Variants in AFF2 observed in about 807,000 individuals in gnomAD.
AFF2 encodes ALF transcription elongation factor 2.
A neutral mutation model predicts 76.9 loss-of-function variants in AFF2; 14 were observed. The observed-to-expected ratio is 0.18, with a 90% CI of 0.12 to 0.28. The LOEUF is 0.28. AFF2 is among the 10% of genes least tolerant of loss of function. The probability of loss-of-function intolerance (pLI) is 1.00; values close to 1 mark genes in which losing one functional copy is unlikely to be tolerated. For synonymous variants in AFF2, 398 were observed against 366.7 expected (o/e 1.09, Z -0.98); for missense variants, 868 against 1,001.1 (o/e 0.87, Z 1.79).
At chrX:148,786,189 C>T (rs1018301179) in intron 3 of AFF2, among the ~76,000 whole-genome samples, 2 of 111,354 alleles carry the variant, frequency 1.8e-5, no homozygotes, top group Non-Finnish European at 3.8e-5. Context: ...GAAAATTAAC[C>T]CTGCACTGCT....
intron 2 of AFF2, among the ~76,000 whole-genome samples, chrX:148,661,075 G>A (rs1253324888): frequency 8.9e-6 from 1 of 112,485 alleles, no homozygotes; most frequent in African/African-American, 3.2e-5. Context: ...AAATGAGTTG[G>A]TTGCCTCTCT....
At chrX:148,614,454 A>G (rs2053763897) in intron 1 of AFF2, among the ~76,000 whole-genome samples, 1 of 111,432 alleles carries the variant, frequency 9.0e-6, no homozygotes, top group Non-Finnish European at 1.9e-5. Context: ...CAAGGTGAAC[A>G]TAGATGAGAT....
chrX:148,965,484 G>A lies in AFF2; in HGVS notation c.2914-1306G>A, dbSNP rs16994879. Among the ~76,000 whole-genome samples, 994 of 111,836 alleles carry A rather than the reference G, an allele frequency of 8.9e-3. 12 individuals are homozygous for A. The highest frequency in any genetic ancestry group is 0.03 in the African/African-American group (922 of 30,742). ...AAGGTGGGGAGTCTCTACCTTGCCA[G>A]TTTCAGTGCCACTAGCCCAGATACT... On this transcript the variant is annotated intron_variant, in intron 13 of 20. Transcript: ENST00000370460.
chrX:148,967,797 A>C, intron 15 of AFF2, 105 bp downstream of exon 15: 4 of 662,941 alleles, frequency 6.0e-6, no homozygotes, highest in Non-Finnish European at 2.3e-6. Context: ...CACAGCCCAC[A>C]CCTGCCTGTC....
chrX:148,932,511 AG>A lies in AFF2; in HGVS notation c.1398-21068del, dbSNP rs782648508. ...AACTTACTTAAGCTACCTGAGCCTC[AG>A]TGTCTGGGAACCAGCTACACATTAA... On this transcript the variant is annotated intron_variant, in intron 9 of 20. Transcript: ENST00000370460. 8.0e-5 allele frequency among the ~76,000 whole-genome samples: 9 copies of A among 112,017 alleles called. No homozygotes were observed. In the East Asian group the frequency reaches 2.5e-3, roughly 31 times the overall value.
At chrX:148,724,446 CAA>C (rs1376147123) in intron 3 of AFF2, among the ~76,000 whole-genome samples, 4 of 111,579 alleles carry the variant, frequency 3.6e-5, no homozygotes, top group Non-Finnish European at 7.5e-5. Context: ...ATAAGAGTAA[CAA>C]TATAAAAAAT....
intron 3 of AFF2, among the ~76,000 whole-genome samples, chrX:148,801,043 G>C (rs907778842): frequency 9.0e-6 from 1 of 111,560 alleles, no homozygotes; most frequent in Non-Finnish European, 1.9e-5. Context: ...GCTTAAATTT[G>C]GCCCTGGGCT....
chrX:148,921,291 C>T (rs1557283175), intron 9 of AFF2, among the ~76,000 whole-genome samples: 3 of 112,162 alleles, frequency 2.7e-5, no homozygotes, highest in African/African-American at 9.7e-5. Context: ...ATACAGTTCA[C>T]TGATTTATAC....
chrX:148,681,451 C>G (rs1250392554), intron 3 of AFF2, among the ~76,000 whole-genome samples: 1 of 110,075 alleles, frequency 9.1e-6, no homozygotes, highest in African/African-American at 3.3e-5. Flanking sequence ...TGAGAAATAT[C>G]CCACACTGGA....
chrX:148,879,295 G>C (rs1476556797), intron 7 of AFF2, among the ~76,000 whole-genome samples: 1 of 111,388 alleles, frequency 9.0e-6, no homozygotes, highest in Non-Finnish European at 1.9e-5. Flanking sequence ...AGAGAGGGTA[G>C]GTAAATTAAG....
chrX:148,750,255 C>T (rs1225824765), intron 3 of AFF2, among the ~76,000 whole-genome samples: 1 of 111,502 alleles, frequency 9.0e-6, no homozygotes, highest in Admixed American at 9.5e-5. Flanking sequence ...CAGGCGGAGC[C>T]ACTGCGCCCA....
intron 2 of AFF2, among the ~76,000 whole-genome samples, chrX:148,656,210 C>T (rs2054249907): frequency 8.9e-6 from 1 of 111,890 alleles, no homozygotes; most frequent in Non-Finnish European, 1.9e-5. Context: ...CTCTCTTGGG[C>T]TGCTTTTGTA....
At chrX:148,741,253 C>A in intron 3 of AFF2, among the ~76,000 whole-genome samples, 1 of 111,006 alleles carries the variant, frequency 9.0e-6, no homozygotes, top group East Asian at 2.8e-4. Context: ...AGAGAAGGAC[C>A]ATCAGGTGGG....
At chrX:148,893,056 A>G (rs1401487178) in intron 8 of AFF2, among the ~76,000 whole-genome samples, 1 of 112,233 alleles carries the variant, frequency 8.9e-6, no homozygotes, top group Non-Finnish European at 1.9e-5. Flanking sequence ...AATCCCTCAC[A>G]GAATGATAGC....
intron 7 of AFF2, among the ~76,000 whole-genome samples, chrX:148,859,523 CA>C (rs2070823124): frequency 9.1e-6 from 1 of 110,158 alleles, no homozygotes; most frequent in Admixed American, 9.7e-5. Context: ...TAACTATAAA[CA>C]ACTGAAATAT....
intron 9 of AFF2, among the ~76,000 whole-genome samples, chrX:148,916,472 A>G (rs371904663): frequency 9.1e-6 from 1 of 110,062 alleles, no homozygotes; most frequent in African/African-American, 3.3e-5. Context: ...GGCCTCCCAA[A>G]GTGCTGGGAT....
At chrX:148,882,158 G>A (rs937143883) in intron 7 of AFF2, among the ~76,000 whole-genome samples, 91 of 111,303 alleles carry the variant, frequency 8.2e-4, no homozygotes, top group Non-Finnish European at 1.2e-3. Flanking sequence ...TGATTTTCTG[G>A]TTATCATTCA....
At chrX:148,609,456 T>C (rs2053705416) in intron 1 of AFF2, among the ~76,000 whole-genome samples, 1 of 111,701 alleles carries the variant, frequency 9.0e-6, no homozygotes, top group South Asian at 3.7e-4. Context: ...TACATGGGTA[T>C]GTTTCTGGGA....
At position 148,992,891 on chromosome X, in the gene AFF2, T is replaced by C. The variant is rs960144353; in HGVS notation, c.*1559T>C. On this transcript the variant is annotated 3_prime_UTR_variant, in exon 21 of 21. Transcript: ENST00000370460. Reference sequence around the variant, plus strand: ...CTGGTATATAATTCCATGTAGCCTTTAATATGCTGGGTTATCAAATTCTGT... The same window carrying C: ...CTGGTATATAATTCCATGTAGCCTTCAATATGCTGGGTTATCAAATTCTGT... 8.9e-6 allele frequency: 1 copy of C among 112,939 alleles called. No homozygotes were observed. Among genetic ancestry groups the C allele is most frequent in the Non-Finnish European group, 1.9e-5 (1 of 53,358 alleles). The allele number at this position is 112,939 out of a possible 1,213,427, so 9.3% of individuals were successfully genotyped here.
Sources: allele counts gnomAD v4.1 joint callset (sites outside exome capture counted in the v4.1 genomes callset), GRCh38; gene constraint gnomAD v4.1.1; transcripts MANE v1.5; gene names NCBI Gene and HGNC (gene_info 2026-07-23, HGNC 2026-07-21).